CTNNA3: variants seen among roughly 807,000 people sequenced by gnomAD.
The protein encoded by CTNNA3 is catenin alpha-3.
A neutral mutation model predicts 95.7 loss-of-function variants in CTNNA3; 76 were observed. The observed-to-expected ratio is 0.79, with a 90% CI of 0.66 to 0.96. The LOEUF (loss-of-function observed/expected upper bound fraction) is 0.96. CTNNA3 is among the 40% of genes least tolerant of loss of function. CTNNA3 has a pLI of 0.00. For synonymous variants in CTNNA3, 431 were observed against 374.4 expected (o/e 1.15, Z -1.74); for missense variants, 1,191 against 1,089.8 (o/e 1.09, Z -1.31).
intron 5 of CTNNA3, among the ~76,000 whole-genome samples, chr10:67,355,608 C>T (rs1842781468): frequency 6.6e-6 from 1 of 151,016 alleles, no homozygotes; most frequent in African/African-American, 2.4e-5. Context: ...GTAAATCAGC[C>T]TGACAAGAAG....
At chr10:66,655,659 T>G (rs182227372) in intron 9 of CTNNA3, among the ~76,000 whole-genome samples, 106 of 152,056 alleles carry the variant, frequency 7.0e-4, no homozygotes, top group African/African-American at 2.4e-3. Flanking sequence ...CTCAGCAAAG[T>G]AGGAGGACAA....
rs1334039346 is a variant in CTNNA3 at position 66,375,015 on chromosome 10, A to C, written c.1732+4137T>G. Among the ~76,000 whole-genome samples, 3 of 152,082 alleles carry C rather than the reference A, an allele frequency of 2.0e-5. No individual in the cohort carries two copies. In the East Asian group the frequency reaches 5.8e-4, roughly 29 times the overall value. On this transcript the variant is annotated intron_variant, in intron 12 of 17. Coordinates refer to ENST00000433211, the MANE Select transcript of CTNNA3 (RefSeq NM_013266.4). ...AGTTGGCACGTCCCTTAAGAGCTACAGTGCACGAGAACAGAAAGAATTCAT... is the reference window on the plus strand; with the variant it reads ...AGTTGGCACGTCCCTTAAGAGCTACCGTGCACGAGAACAGAAAGAATTCAT...
chr10:66,252,708 G>A (rs533935166), intron 13 of CTNNA3, among the ~76,000 whole-genome samples: 12 of 152,252 alleles, frequency 7.9e-5, no homozygotes, highest in African/African-American at 2.2e-4. Flanking sequence ...AAAGTGAAGC[G>A]GGTCTAGTGG....
intron 13 of CTNNA3, among the ~76,000 whole-genome samples, chr10:66,143,081 G>T (rs1489124743): frequency 6.6e-6 from 1 of 151,538 alleles, no homozygotes; most frequent in African/African-American, 2.4e-5. Context: ...TAATATATCT[G>T]GTCTCATATA....
At chr10:66,538,244 C>T (rs764116297) in intron 10 of CTNNA3, among the ~76,000 whole-genome samples, 3 of 151,950 alleles carry the variant, frequency 2.0e-5, no homozygotes, top group Non-Finnish European at 4.4e-5. Flanking sequence ...GGGTGATGTT[C>T]GGCTAGTGAT....
chr10:67,691,197 A>C (rs1840843687), intron 1 of CTNNA3, among the ~76,000 whole-genome samples: 2 of 152,084 alleles, frequency 1.3e-5, no homozygotes, highest in Admixed American at 6.5e-5. Context: ...CTCAGTGCTC[A>C]ATGGTGCCCA....
intron 7 of CTNNA3, among the ~76,000 whole-genome samples, chr10:67,084,828 T>C (rs953253615): frequency 6.6e-6 from 1 of 152,004 alleles, no homozygotes. Context: ...CTTTCCTTCA[T>C]TGCTGATTTT....
chr10:67,157,174 C>T (rs1316655362), intron 7 of CTNNA3, among the ~76,000 whole-genome samples: 1 of 152,060 alleles, frequency 6.6e-6, no homozygotes, highest in African/African-American at 2.4e-5. Context: ...CTGAAGATGA[C>T]ATAATCTTAC....
chr10:66,856,869 T>G (rs935921837), intron 7 of CTNNA3, among the ~76,000 whole-genome samples: 1 of 152,002 alleles, frequency 6.6e-6, no homozygotes. Flanking sequence ...GTTTACTCTT[T>G]CAATAGTTTC....
rs533216179 is a variant in CTNNA3 at position 67,311,529 on chromosome 10, T to C, written c.580-91659A>G. On this transcript the variant is annotated intron_variant, in intron 5 of 17. Transcript: ENST00000433211. The stretch of plus-strand genomic sequence containing the variant: ...ACAGAAATTTCTAGAGTGATAGAAA[T>C]CTTATATTTCAATTATGGTTGTGGT... Among the ~76,000 whole-genome samples the C allele has an allele frequency of 2.6e-3, 389 of 152,254 alleles. 3 individuals carry two copies. The highest frequency in any genetic ancestry group is 9.1e-3 in the African/African-American group (379 of 41,558).
rs2088450837 is a variant in CTNNA3 at position 66,215,261 on chromosome 10, G to A, written c.1884+65209C>T. On this transcript the variant is annotated intron_variant, in intron 13 of 17. Transcript: ENST00000433211. ...CCAATCTGAAGGGAACATCAGCAGG[G>A]GAAGAAATAGATGCTGGGATATTGA... 3.3e-5 allele frequency among the ~76,000 whole-genome samples: 5 copies of A among 152,150 alleles called. No individual in the cohort carries two copies. The South Asian group carries it at 1.0e-3, about 32-fold the overall frequency.
At chr10:66,326,104 G>A (rs1310782953) in intron 12 of CTNNA3, among the ~76,000 whole-genome samples, 1 of 152,090 alleles carries the variant, frequency 6.6e-6, no homozygotes, top group East Asian at 1.9e-4. Context: ...AGTGCAGAGT[G>A]CCCTTTACAA....
intron 9 of CTNNA3, among the ~76,000 whole-genome samples, chr10:66,685,259 ATGTGTG>A (rs1174830932): frequency 3.8e-5 from 5 of 130,440 alleles, no homozygotes; most frequent in East Asian, 2.2e-4. Context: ...ATACGTATAT[ATGTGTG>A]TATATATACG....
At chr10:66,778,467 G>A (rs1840401512) in intron 7 of CTNNA3, among the ~76,000 whole-genome samples, 2 of 152,060 alleles carry the variant, frequency 1.3e-5, no homozygotes, top group South Asian at 4.2e-4. Context: ...GTCAGAACCT[G>A]CCTATATCCC....
chr10:67,547,586 T>A (rs1840885155), intron 3 of CTNNA3, among the ~76,000 whole-genome samples: 1 of 152,192 alleles, frequency 6.6e-6, no homozygotes, highest in South Asian at 2.1e-4. Context: ...ATGCTCCTTA[T>A]GCAGAAATGA....
At chr10:66,513,634 G>T (rs2131999395) in intron 11 of CTNNA3, among the ~76,000 whole-genome samples, 1 of 152,280 alleles carries the variant, frequency 6.6e-6, no homozygotes, top group Non-Finnish European at 1.5e-5. Flanking sequence ...CAGTCCTTAA[G>T]CCCTAAGTGG....
At chr10:67,558,287 T>C (rs891505519) in intron 3 of CTNNA3, among the ~76,000 whole-genome samples, 3 of 152,216 alleles carry the variant, frequency 2.0e-5, no homozygotes, top group African/African-American at 7.2e-5. Context: ...GTCAAGTGAA[T>C]CTTACCTTAT....
chr10:67,162,401 A>G (rs1861591386), intron 7 of CTNNA3, among the ~76,000 whole-genome samples: 1 of 121,204 alleles, frequency 8.3e-6, no homozygotes, highest in Non-Finnish European at 1.5e-5. Flanking sequence ...AAATAGCCTC[A>G]ATATATGTAA....
intron 5 of CTNNA3, among the ~76,000 whole-genome samples, chr10:67,269,944 G>A (rs1034871026): frequency 2.6e-5 from 4 of 151,872 alleles, no homozygotes; most frequent in Non-Finnish European, 5.9e-5. Flanking sequence ...ACTCAGAAGG[G>A]AAAAAAATAT....
Sources: allele counts gnomAD v4.1 joint callset (sites outside exome capture counted in the v4.1 genomes callset), GRCh38; gene constraint gnomAD v4.1.1; transcripts MANE v1.5; gene names NCBI Gene and HGNC (gene_info 2026-07-23, HGNC 2026-07-21).